Variants in CDH1 observed in about 807,000 individuals in gnomAD.
CDH1 encodes cadherin-1.
In CDH1, 35 loss-of-function variants were observed where a neutral mutation model predicts 84.5. That is an observed-to-expected ratio of 0.41 (90% CI 0.32 to 0.55). CDH1 has a LOEUF of 0.55. Among genes scored for constraint, CDH1 ranks in the 20% least tolerant of loss-of-function variants. The pLI, the probability that CDH1 is intolerant of heterozygous loss-of-function variation, is 0.19. For missense variants in CDH1, 994 were observed against 1,126.6 expected, an observed-to-expected ratio of 0.88 and a Z score of 1.68; for synonymous variants, 417 against 439.0, an observed-to-expected ratio of 0.95 and a Z score of 0.63.
At chr16:68,805,512 T>C (rs1437542883) in intron 3 of CDH1, among the ~76,000 whole-genome samples, 1 of 152,218 alleles carries the variant, frequency 6.6e-6, no homozygotes, top group Non-Finnish European at 1.5e-5. Flanking sequence ...TTGTGATAAC[T>C]GGGTTTGCAT....
intron 2 of CDH1, among the ~76,000 whole-genome samples, chr16:68,749,416 A>C (rs1962831749): frequency 6.6e-6 from 1 of 152,242 alleles, no homozygotes; most frequent in South Asian, 2.1e-4. Flanking sequence ...TGTATAGGAT[A>C]GTGATCTTTT....
At chr16:68,824,042 G>T (rs984616181) in intron 13 of CDH1, among the ~76,000 whole-genome samples, 1 of 137,790 alleles carries the variant, frequency 7.3e-6, no homozygotes, top group Non-Finnish European at 1.5e-5. Flanking sequence ...TTGTTGCCGA[G>T]GCTGGAGTGC....
At chr16:68,741,595 A>G (rs1308741547) in intron 2 of CDH1, among the ~76,000 whole-genome samples, 1 of 149,904 alleles carries the variant, frequency 6.7e-6, no homozygotes, top group East Asian at 2.0e-4. Context: ...CATGATCTCA[A>G]CCTTGTATTT....
chr16:68,828,617 T>C (rs1596971374), intron 14 of CDH1, among the ~76,000 whole-genome samples: 1 of 152,350 alleles, frequency 6.6e-6, no homozygotes, highest in Non-Finnish European at 1.5e-5. Flanking sequence ...AGAGCCTGCC[T>C]TCCTCATTGC....
chr16:68,808,376 A>G, intron 3 of CDH1, 48 bp from the exon 4 acceptor site: 1 of 1,609,020 alleles, frequency 6.2e-7, no homozygotes, highest in Non-Finnish European at 8.5e-7. Flanking sequence ...GACCTGAAGT[A>G]TCCGTCTTGA....
chr16:68,814,102 G>A (rs1165076405), intron 9 of CDH1, among the ~76,000 whole-genome samples: 1 of 150,746 alleles, frequency 6.6e-6, no homozygotes, highest in African/African-American at 2.4e-5. Context: ...GGGCATGGTG[G>A]TGTGCACCTA....
chr16:68,794,640 C>G (rs971637741), intron 2 of CDH1, among the ~76,000 whole-genome samples: 2 of 151,438 alleles, frequency 1.3e-5, no homozygotes, highest in African/African-American at 2.4e-5. Context: ...CTGCCTCAGC[C>G]TCTCTAATAT....
intron 2 of CDH1, among the ~76,000 whole-genome samples, chr16:68,747,244 G>A (rs1962768586): frequency 6.6e-6 from 1 of 152,128 alleles, no homozygotes; most frequent in African/African-American, 2.4e-5. Flanking sequence ...AGGAGGAAGT[G>A]GGGTACCCAA....
chr16:68,741,321 A>T (rs1786456291), intron 2 of CDH1, among the ~76,000 whole-genome samples: 1 of 152,052 alleles, frequency 6.6e-6, no homozygotes, highest in African/African-American at 2.4e-5. Flanking sequence ...CACACGTTCA[A>T]TCTGAGGAAC....
intron 10 of CDH1, 28 bp from the exon 11 acceptor site, chr16:68,819,252 C>G (rs2152136695): frequency 6.2e-7 from 1 of 1,614,060 alleles, no homozygotes; most frequent in Non-Finnish European, 8.5e-7. Flanking sequence ...TGGTCCTATT[C>G]TAAAAGCCAG....
chr16:68,815,535 G>C lies in CDH1; in HGVS notation c.1341G>C (p.Lys447Asn), dbSNP rs767885546. ...KTAKGLDFEA[K>N]QQYILHVAVT... is the part of the protein sequence containing the mutation. ...TCTAGGGCTTGGATTTTGAGGCCAA[G>C]CAGCAGTACATTCTACACGTAGCAG... Residue 447 changes from lysine to asparagine, a missense_variant, in exon 10 of 16, where the codon AAG becomes AAC. Transcript: ENST00000261769. 2 of 1,614,216 alleles carry C rather than the reference G, an allele frequency of 1.2e-6. No homozygotes were observed. Among genetic ancestry groups the C allele is most frequent in the Non-Finnish European group, 1.7e-6 (2 of 1,180,044 alleles).
chr16:68,746,128 G>A (rs1372707871), intron 2 of CDH1, among the ~76,000 whole-genome samples: 1 of 152,172 alleles, frequency 6.6e-6, no homozygotes, highest in African/African-American at 2.4e-5. Context: ...TGAATTTGAT[G>A]TTTTTAAAAG....
intron 2 of CDH1, among the ~76,000 whole-genome samples, chr16:68,758,212 T>TC (rs1567481211): frequency 4.2e-5 from 5 of 120,026 alleles, no homozygotes; most frequent in Non-Finnish European, 8.8e-5. Context: ...TATTTCTTTT[T>TC]TTTTTTTTTT....
intron 3 of CDH1, among the ~76,000 whole-genome samples, chr16:68,804,019 AT>A (rs896282035): frequency 8.1e-6 from 1 of 122,988 alleles, no homozygotes; most frequent in African/African-American, 3.2e-5. Context: ...GTCTTTTTTT[AT>A]TTTTTTAATC....
chr16:68,800,676 C>A (rs1015157376), intron 2 of CDH1, among the ~76,000 whole-genome samples: 12 of 152,296 alleles, frequency 7.9e-5, no homozygotes, highest in Middle Eastern at 3.4e-3. Flanking sequence ...ATCGACTGCT[C>A]CCCTCTGCCT....
intron 2 of CDH1, among the ~76,000 whole-genome samples, chr16:68,793,485 A>G (rs1396522341): frequency 6.6e-6 from 1 of 151,978 alleles, no homozygotes; most frequent in Non-Finnish European, 1.5e-5. Flanking sequence ...CATCAGTACT[A>G]ACAGACAGGC....
chr16:68,804,824 C>CT (rs5817653), intron 3 of CDH1, among the ~76,000 whole-genome samples: 6,504 of 69,782 alleles, frequency 0.093, 380 homozygotes, highest in African/African-American at 0.11. Context: ...GTAACAAAAT[C>CT]TTTTTTTTTT....
chr16:68,796,968 T>C (rs62055765), intron 2 of CDH1, among the ~76,000 whole-genome samples: 4,452 of 152,114 alleles, frequency 0.029, 106 homozygotes, highest in South Asian at 0.089. Context: ...CAAAACCCCA[T>C]CTAGTCCTGT....
intron 2 of CDH1, among the ~76,000 whole-genome samples, chr16:68,739,543 G>A (rs1396822289): frequency 6.6e-6 from 1 of 151,994 alleles, no homozygotes; most frequent in Non-Finnish European, 1.5e-5. Flanking sequence ...GGGATTGCAG[G>A]CCTGAGAGAC....
Sources: gnomAD v4.1 joint callset for allele counts (sites outside exome capture counted in the v4.1 genomes callset) on GRCh38, gnomAD v4.1.1 for gene constraint, MANE v1.5 for transcripts, NCBI Gene and HGNC (gene_info 2026-07-23, HGNC 2026-07-21) for gene names.